PAMR1: variants seen among roughly 807,000 people sequenced by gnomAD.
PAMR1 encodes inactive serine protease PAMR1.
In PAMR1, 88 loss-of-function variants were observed where a neutral mutation model predicts 81.8. The observed-to-expected ratio is 1.08, with a 90% CI of 0.91 to 1.28. The LOEUF (loss-of-function observed/expected upper bound fraction) is 1.28. PAMR1 is among the 50% of genes most tolerant of loss of function. PAMR1 has a pLI of 0.00. For synonymous variants in PAMR1, 336 were observed against 345.3 expected (o/e 0.97, Z 0.30); for missense variants, 935 against 919.7 (o/e 1.02, Z -0.21).
intron 6 of PAMR1, among the ~76,000 whole-genome samples, chr11:35,443,186 T>C (rs1856214246): frequency 6.6e-6 from 1 of 152,108 alleles, no homozygotes; most frequent in Non-Finnish European, 1.5e-5. Flanking sequence ...TGTGCTTTTT[T>C]TTTTTCCTTC....
chr11:35,527,536 C>T (rs533201305), upstream of PAMR1, among the ~76,000 whole-genome samples: 248 of 152,178 alleles, frequency 1.6e-3, 1 homozygote, highest in African/African-American at 5.9e-3. Context: ...AGCAGAATAC[C>T]AGAGGGCAGC....
Position 35,432,902 on chromosome 11 carries a change from C to A in PAMR1, c.1627-10G>T. ...GAATGATAGCAGAAATCTACAAATG[C>A]AAGGAATGGGCAGCAATGGTGAGGA... On this transcript the variant is annotated splice_polypyrimidine_tract_variant and intron_variant, in intron 10 of 10. Transcript: ENST00000619888. The A allele has an allele frequency of 6.4e-7, 1 of 1,559,334 alleles. No homozygotes were observed. The highest frequency in any genetic ancestry group is 1.2e-5 in the South Asian group (1 of 84,054).
chr11:35,529,736 G>C (rs1851437123), upstream of PAMR1, among the ~76,000 whole-genome samples: 1 of 152,268 alleles, frequency 6.6e-6, no homozygotes, highest in Non-Finnish European at 1.5e-5. Flanking sequence ...CTTGCTTCGG[G>C]GAGAATAAAT....
intron 1 of PAMR1, 94 bp from the exon 2 acceptor site, chr11:35,494,366 C>T: frequency 9.1e-7 from 1 of 1,095,600 alleles, no homozygotes; most frequent in East Asian, 2.4e-5. Context: ...CGGAGTCTTG[C>T]TCTGTCGCCC....
chr11:35,504,371 T>TA (rs1850910281), intron 1 of PAMR1, among the ~76,000 whole-genome samples: 1 of 152,144 alleles, frequency 6.6e-6, no homozygotes, highest in African/African-American at 2.4e-5. Context: ...CTGGTTTTGA[T>TA]AATAGGGCAA....
intron 4 of PAMR1, among the ~76,000 whole-genome samples, chr11:35,473,156 G>A (rs1367816942): frequency 2.0e-5 from 3 of 152,098 alleles, no homozygotes; most frequent in African/African-American, 7.2e-5. Context: ...ATGGAAAAGG[G>A]GCATCAGGGA....
At chr11:35,483,096 C>T (rs139602545) in intron 3 of PAMR1, among the ~76,000 whole-genome samples, 23 of 152,266 alleles carry the variant, frequency 1.5e-4, no homozygotes, top group Non-Finnish European at 2.5e-4. Flanking sequence ...TGATTGCAAA[C>T]GCCCTCTCCT....
chr11:35,492,077 C>A lies in PAMR1; in HGVS notation c.347G>T (p.Cys116Phe), dbSNP rs2135399850. ...GTCTCCTCCGTACCAGCCTGCTCGG[C>A]ACTCTGCACAGTAGAACCCCTTCAC... is the stretch of plus-strand genomic sequence containing the variant. ...FYVKGFYCAE[C>F]RAGWYGGDCM... Residue 116 changes from cysteine to phenylalanine, a missense_variant, in exon 3 of 11, where the codon TGC (cysteine) becomes TTC (phenylalanine). Physicochemically the swap from Cys to Phe is radical, Grantham distance 205. Transcript: ENST00000619888. The A allele has an allele frequency of 6.2e-7, 1 of 1,614,010 alleles. No homozygotes were observed. The highest frequency in any genetic ancestry group is 8.5e-7 in the Non-Finnish European group (1 of 1,179,920).
intron 3 of PAMR1, among the ~76,000 whole-genome samples, chr11:35,478,606 C>T (rs80269637): frequency 0.02 from 3,085 of 152,258 alleles, 92 homozygotes; most frequent in East Asian, 0.092. Flanking sequence ...CCACTCTTGC[C>T]TCTACTTGGA....
At chr11:35,502,153 GC>G (rs1157359065) in intron 1 of PAMR1, among the ~76,000 whole-genome samples, 10 of 151,886 alleles carry the variant, frequency 6.6e-5, no homozygotes, top group African/African-American at 2.2e-4. Flanking sequence ...GTTTTCATTT[GC>G]ATTTCTCTGC....
At chr11:35,516,889 T>C (rs566551075) in intron 1 of PAMR1, among the ~76,000 whole-genome samples, 2 of 152,192 alleles carry the variant, frequency 1.3e-5, no homozygotes, top group Admixed American at 6.5e-5. Flanking sequence ...ACAGTGACAA[T>C]GCAGGGGGCA....
chr11:35,523,554 C>T (rs141806248), intron 1 of PAMR1, among the ~76,000 whole-genome samples: 3 of 152,336 alleles, frequency 2.0e-5, no homozygotes, highest in African/African-American at 7.2e-5. Flanking sequence ...AGAAACAACA[C>T]TCTCTGGTAC....
intron 1 of PAMR1, among the ~76,000 whole-genome samples, chr11:35,508,516 ATTT>A (rs59836040): frequency 0.012 from 1,170 of 98,076 alleles, 18 homozygotes; most frequent in East Asian, 0.077. Context: ...AGGAACCTCC[ATTT>A]TTTTTTTTTT....
intron 1 of PAMR1, among the ~76,000 whole-genome samples, chr11:35,503,465 A>C (rs1277231763): frequency 6.6e-6 from 1 of 152,106 alleles, no homozygotes; most frequent in Admixed American, 6.6e-5. Context: ...TGCTTTGAGT[A>C]GTATTGTCAT....
chr11:35,528,858 A>C (rs1851428449), upstream of PAMR1: 1 of 152,214 alleles, frequency 6.6e-6, no homozygotes, highest in African/African-American at 2.4e-5. Context: ...AATTTCCTAG[A>C]GCTGAGGACC....
At chr11:35,477,817 G>A (rs377461633) in intron 3 of PAMR1, among the ~76,000 whole-genome samples, 3 of 152,058 alleles carry the variant, frequency 2.0e-5, no homozygotes, top group South Asian at 2.1e-4. Context: ...ATTTTGAAAC[G>A]GCAGAATTTT....
At chr11:35,499,345 A>T (rs1850787382) in intron 1 of PAMR1, among the ~76,000 whole-genome samples, 1 of 152,158 alleles carries the variant, frequency 6.6e-6, no homozygotes, top group Non-Finnish European at 1.5e-5. Context: ...GAATATGCCC[A>T]TGGGGTGTGG....
At chr11:35,438,133 G>A (rs931349891) in intron 8 of PAMR1, among the ~76,000 whole-genome samples, 8 of 152,170 alleles carry the variant, frequency 5.3e-5, no homozygotes, top group African/African-American at 1.9e-4. Flanking sequence ...AAAGTATAGT[G>A]CATACGGGAG....
At chr11:35,443,076 T>C (rs1351714229) in intron 6 of PAMR1, among the ~76,000 whole-genome samples, 1 of 152,188 alleles carries the variant, frequency 6.6e-6, no homozygotes, top group African/African-American at 2.4e-5. Flanking sequence ...TGCCACCTTT[T>C]CTGTCTCCTC....
Sources: allele counts gnomAD v4.1 joint callset (sites outside exome capture counted in the v4.1 genomes callset), GRCh38; gene constraint gnomAD v4.1.1; transcripts MANE v1.5; gene names NCBI Gene and HGNC (gene_info 2026-07-23, HGNC 2026-07-21).